Variants in SLC7A1 observed in about 807,000 individuals in gnomAD.
The protein encoded by SLC7A1 is solute carrier family 7 member 1, also known as high affinity cationic amino acid transporter 1.
In SLC7A1, 10 loss-of-function variants were observed where a neutral mutation model predicts 53.9. That is an observed-to-expected ratio of 0.19 (90% CI 0.11 to 0.31). The LOEUF is 0.31. SLC7A1 is among the 10% of genes least tolerant of loss of function. The probability of loss-of-function intolerance (pLI) is 1.00; values close to 1 mark genes in which losing one functional copy is unlikely to be tolerated. For missense variants in SLC7A1, 525 were observed against 827.2 expected (o/e 0.63, Z 4.48); for synonymous variants, 342 against 338.7 (o/e 1.01, Z -0.11).
chr13:29,530,432 A>C, intron 5 of SLC7A1, 106 bp downstream of exon 5: 1 of 1,011,786 alleles, frequency 9.9e-7, no homozygotes, highest in Non-Finnish European at 1.5e-6. Context: ...AATATCCTCA[A>C]ATAATGTTTT....
intron 1 of SLC7A1, among the ~76,000 whole-genome samples, chr13:29,577,769 G>A (rs1871469471): frequency 6.6e-6 from 1 of 152,150 alleles, no homozygotes; most frequent in Non-Finnish European, 1.5e-5. Context: ...CGAGTGTCCT[G>A]TCTTTGGAGG....
At chr13:29,578,369 T>C (rs1264862297) in intron 1 of SLC7A1, among the ~76,000 whole-genome samples, 1 of 152,190 alleles carries the variant, frequency 6.6e-6, no homozygotes, top group African/African-American at 2.4e-5. Flanking sequence ...GTGGCACAGC[T>C]GAGTGTGCTC....
At chr13:29,555,086 C>A (rs974669134) in intron 1 of SLC7A1, among the ~76,000 whole-genome samples, 2 of 151,964 alleles carry the variant, frequency 1.3e-5, no homozygotes, top group Non-Finnish European at 2.9e-5. Context: ...GGGCCGGGCG[C>A]GGTGGCTCAC....
chr13:29,527,669 C>T (rs1868960119), intron 5 of SLC7A1, among the ~76,000 whole-genome samples: 2 of 152,156 alleles, frequency 1.3e-5, no homozygotes, highest in South Asian at 4.1e-4. Context: ...CTTTGACCAG[C>T]CCTTCTGTGT....
intron 1 of SLC7A1, among the ~76,000 whole-genome samples, chr13:29,586,267 C>T (rs559114089): frequency 6.6e-6 from 1 of 152,320 alleles, no homozygotes; most frequent in Admixed American, 6.5e-5. Context: ...AATATATTGT[C>T]CCATCCACCT....
At chr13:29,564,838 A>G (rs1342668281) in intron 1 of SLC7A1, among the ~76,000 whole-genome samples, 3 of 152,262 alleles carry the variant, frequency 2.0e-5, no homozygotes, top group African/African-American at 7.2e-5. Flanking sequence ...TAAATATATT[A>G]AGCACTTTTC....
intron 1 of SLC7A1, among the ~76,000 whole-genome samples, chr13:29,565,785 C>G (rs1484939596): frequency 6.6e-6 from 1 of 152,178 alleles, no homozygotes; most frequent in Non-Finnish European, 1.5e-5. Flanking sequence ...CAGACAGTAG[C>G]CCACCTTACC....
intron 1 of SLC7A1, among the ~76,000 whole-genome samples, chr13:29,569,209 C>T (rs931071679): frequency 6.6e-6 from 1 of 152,070 alleles, no homozygotes; most frequent in Admixed American, 6.6e-5. Context: ...TGGGCACTGG[C>T]AGGGAGGAGT....
intron 2 of SLC7A1, among the ~76,000 whole-genome samples, chr13:29,539,610 T>G (rs1445429440): frequency 6.6e-6 from 1 of 152,300 alleles, no homozygotes; most frequent in East Asian, 1.9e-4. Flanking sequence ...TTCCCCTGAA[T>G]AGGTACGCAG....
At chr13:29,526,843 A>G (rs1868915606) in intron 5 of SLC7A1, among the ~76,000 whole-genome samples, 2 of 152,262 alleles carry the variant, frequency 1.3e-5, no homozygotes, top group South Asian at 4.1e-4. Context: ...AAGAGACTGG[A>G]TAATCCTCCA....
rs761654736 is a variant in SLC7A1 at position 29,524,136 on chromosome 13, G to A, written c.822C>T (p.Thr274=). ...YAFVGFDCIA[T]TGEEVKNPQK... is the part of the protein sequence containing the mutation. Reference sequence around the variant, plus strand: ...CGCAGTGGCTGGCGGACATACCTGTGGTGGCGATGCAGTCAAAGCCCACGA... The same window carrying A: ...CGCAGTGGCTGGCGGACATACCTGTAGTGGCGATGCAGTCAAAGCCCACGA... Residue 274 remains threonine, a synonymous_variant, in exon 6 of 13, where the codon ACC becomes ACT. Coordinates refer to ENST00000380752, the MANE Select transcript of SLC7A1 (RefSeq NM_003045.5). 1.2e-6 allele frequency: 2 copies of A among 1,612,776 alleles called. No individual in the cohort carries two copies. The highest frequency in any genetic ancestry group is 1.7e-6 in the Non-Finnish European group (2 of 1,179,764).
intron 1 of SLC7A1, among the ~76,000 whole-genome samples, chr13:29,559,751 T>C (rs1189253747): frequency 1.3e-5 from 2 of 152,034 alleles, no homozygotes; most frequent in South Asian, 4.2e-4. Flanking sequence ...AGTCTCGCTC[T>C]GTCGCTCAGG....
chr13:29,552,541 G>A (rs1322298546), intron 2 of SLC7A1, among the ~76,000 whole-genome samples: 2 of 152,162 alleles, frequency 1.3e-5, no homozygotes, highest in Non-Finnish European at 2.9e-5. Flanking sequence ...ATTGAAGGTC[G>A]TTGGTTTACC....
At chr13:29,549,128 G>A (rs1367398874) in intron 2 of SLC7A1, among the ~76,000 whole-genome samples, 2 of 152,190 alleles carry the variant, frequency 1.3e-5, no homozygotes, top group East Asian at 1.9e-4. Flanking sequence ...TGGAGCGGAC[G>A]TGCTAGTGGG....
chr13:29,552,635 G>A (rs1449705686), intron 2 of SLC7A1, among the ~76,000 whole-genome samples: 1 of 152,302 alleles, frequency 6.6e-6, no homozygotes, highest in Admixed American at 6.5e-5. Flanking sequence ...TATCAAGACC[G>A]ATCTGTGCCT....
intron 6 of SLC7A1, 74 bp from the exon 7 acceptor site, chr13:29,523,562 C>CAGAG: frequency 8.8e-7 from 1 of 1,133,386 alleles, no homozygotes; most frequent in Non-Finnish European, 1.3e-6. Context: ...ACACCCAAGG[C>CAGAG]CTCTCAGTGC....
At chr13:29,566,143 TAA>T (rs1232211815) in intron 1 of SLC7A1, among the ~76,000 whole-genome samples, 6 of 152,222 alleles carry the variant, frequency 3.9e-5, no homozygotes, top group Non-Finnish European at 7.3e-5. Flanking sequence ...TAAAAATGGC[TAA>T]GATGGTAATT....
chr13:29,546,094 C>A (rs905144531), intron 2 of SLC7A1, among the ~76,000 whole-genome samples: 1 of 152,174 alleles, frequency 6.6e-6, no homozygotes, highest in Non-Finnish European at 1.5e-5. Flanking sequence ...CACACTTGGG[C>A]AGCATGGAAA....
rs558258932 is a variant in SLC7A1 at position 29,509,747 on chromosome 13, A to G, written c.*4733T>C. 1.3e-5 allele frequency: 2 copies of G among 152,512 alleles called. No homozygotes were observed. Among genetic ancestry groups the G allele is most frequent in the African/African-American group, 4.8e-5 (2 of 41,468 alleles). The allele number at this position is 152,512 out of a possible 1,614,324, so 9.4% of individuals were successfully genotyped here. ...AACAAGCAAAAAAATATACAAATGT[A>G]CATAATAAAAAACACACAACTCTTA... On this transcript the variant is annotated 3_prime_UTR_variant, in exon 13 of 13. Coordinates refer to ENST00000380752, the MANE Select transcript of SLC7A1 (RefSeq NM_003045.5).
Sources: allele counts gnomAD v4.1 joint callset (sites outside exome capture counted in the v4.1 genomes callset), GRCh38; gene constraint gnomAD v4.1.1; transcripts MANE v1.5; gene names NCBI Gene and HGNC (gene_info 2026-07-23, HGNC 2026-07-21).